PDZRN3: variants seen among roughly 807,000 people sequenced by gnomAD.
PDZRN3 encodes the protein PDZ domain containing ring finger 3.
PDZRN3 carries 38 observed loss-of-function variants against 85.7 expected under a neutral mutation model. That is an observed-to-expected ratio of 0.44 (90% CI 0.34 to 0.58). The LOEUF (loss-of-function observed/expected upper bound fraction) is 0.58. PDZRN3 is among the 20% of genes least tolerant of loss of function. The pLI is 0.01. For missense variants in PDZRN3, 1,629 were observed against 1,506.4 expected, an observed-to-expected ratio of 1.08 and a Z score of -1.35; for synonymous variants, 759 against 638.0, an observed-to-expected ratio of 1.19 and a Z score of -2.86.
At chr3:73,536,971 A>C (rs966792261) in intron 3 of PDZRN3, among the ~76,000 whole-genome samples, 1 of 151,986 alleles carries the variant, frequency 6.6e-6, no homozygotes, top group African/African-American at 2.4e-5. Context: ...CAGACTGAAA[A>C]CTATGTCTGA....
chr3:73,515,610 A>C (rs1311823791), intron 3 of PDZRN3, among the ~76,000 whole-genome samples: 1 of 152,230 alleles, frequency 6.6e-6, no homozygotes. Flanking sequence ...TATTTTTTAA[A>C]GATCGATTTC....
chr3:73,461,832 TC>T (rs1703110117), intron 3 of PDZRN3, among the ~76,000 whole-genome samples: 1 of 152,054 alleles, frequency 6.6e-6, no homozygotes, highest in South Asian at 2.1e-4. Flanking sequence ...AGAGAAAGGG[TC>T]ATGATTCACT....
intron 3 of PDZRN3, among the ~76,000 whole-genome samples, chr3:73,519,855 G>A (rs967498076): frequency 3.4e-4 from 52 of 152,186 alleles, no homozygotes; most frequent in Non-Finnish European, 4.6e-4. Context: ...ATGTGATGTG[G>A]TGGGACAGGA....
chr3:73,434,732 C>T (rs1559677959), intron 3 of PDZRN3, among the ~76,000 whole-genome samples: 2 of 152,152 alleles, frequency 1.3e-5, no homozygotes, highest in Admixed American at 6.5e-5. Context: ...TGTTCCATAC[C>T]TGCCTAGACC....
chr3:73,523,684 G>C (rs1419693321), intron 3 of PDZRN3, among the ~76,000 whole-genome samples: 3 of 152,100 alleles, frequency 2.0e-5, no homozygotes, highest in Admixed American at 6.6e-5. Flanking sequence ...AAGGTCCGAA[G>C]AAAAATATGG....
At chr3:73,461,895 CT>C (rs926442044) in intron 3 of PDZRN3, among the ~76,000 whole-genome samples, 2 of 152,182 alleles carry the variant, frequency 1.3e-5, no homozygotes, top group African/African-American at 4.8e-5. Flanking sequence ...TGGTTGTCAT[CT>C]CCCAGATACT....
chr3:73,606,802 T>C (rs1432076325), intron 2 of PDZRN3, among the ~76,000 whole-genome samples: 1 of 152,238 alleles, frequency 6.6e-6, no homozygotes, highest in African/African-American at 2.4e-5. Flanking sequence ...TTGTTGTTTC[T>C]TATAATAAGC....
chr3:73,624,658 G>A lies in PDZRN3; in HGVS notation c.168C>T (p.Cys56=). The A allele has an allele frequency of 6.5e-7, 1 of 1,529,588 alleles. No individual in the cohort carries two copies. The highest frequency in any genetic ancestry group is 8.7e-7 in the Non-Finnish European group (1 of 1,142,922). 94.8% of individuals were successfully genotyped at this position (1,529,588 alleles called of 1,614,324 possible). The change falls in exon 1 of 10, where the codon TGC becomes TGT. Residue 56 remains cysteine, a synonymous_variant. Coordinates refer to ENST00000263666, the MANE Select transcript of PDZRN3 (RefSeq NM_015009.3). ...GCTCTTTGGCCGACAGGCGACCGCG[G>A]CAGCGCGCCGGGCAGCTGCCCTCCT... ...VVQEGSCPAR[C]RGRLSAKELN...
intron 3 of PDZRN3, among the ~76,000 whole-genome samples, chr3:73,482,292 C>G (rs773721657): frequency 9.2e-5 from 14 of 152,116 alleles, no homozygotes; most frequent in Non-Finnish European, 1.9e-4. Context: ...AGATTGTTTC[C>G]CTGTTTCTAA....
intron 2 of PDZRN3, among the ~76,000 whole-genome samples, chr3:73,604,039 C>A (rs930486633): frequency 6.6e-5 from 10 of 152,184 alleles, no homozygotes; most frequent in African/African-American, 2.2e-4. Context: ...ATTCCATCAA[C>A]GCTCTTCCAA....
intron 3 of PDZRN3, among the ~76,000 whole-genome samples, chr3:73,526,854 CT>C (rs980840919): frequency 3.2e-4 from 47 of 146,732 alleles, no homozygotes; most frequent in Admixed American, 4.8e-4. Context: ...TGCCCAGCTA[CT>C]TTTTTTTTTT....
At chr3:73,419,314 A>G (rs1454182719) in intron 3 of PDZRN3, among the ~76,000 whole-genome samples, 2 of 152,182 alleles carry the variant, frequency 1.3e-5, no homozygotes, top group Non-Finnish European at 2.9e-5. Flanking sequence ...GAGTAAAGTT[A>G]TCAGAGGGTA....
chr3:73,600,791 C>T (rs773203437), intron 3 of PDZRN3, among the ~76,000 whole-genome samples: 18 of 152,160 alleles, frequency 1.2e-4, no homozygotes, highest in Non-Finnish European at 2.5e-4. Flanking sequence ...GAACAATAGT[C>T]TCAGAAAATG....
chr3:73,523,610 A>G (rs7642849), intron 3 of PDZRN3, among the ~76,000 whole-genome samples: 75,263 of 152,032 alleles, frequency 0.5, 18,798 homozygotes, highest in Middle Eastern at 0.56. Flanking sequence ...TACTATGAAA[A>G]AATATTTACT....
intron 3 of PDZRN3, among the ~76,000 whole-genome samples, chr3:73,458,995 CAA>C (rs35284667): frequency 8.1e-6 from 1 of 124,136 alleles, no homozygotes. Context: ...CCATCTCAAA[CAA>C]AAAAAAAAAA....
At chr3:73,416,087 T>G (rs193170560) in intron 3 of PDZRN3, among the ~76,000 whole-genome samples, 136 of 152,158 alleles carry the variant, frequency 8.9e-4, no homozygotes, top group Non-Finnish European at 2.1e-4. Context: ...TGTTTTTCCT[T>G]CTGTTTGTAC....
At chr3:73,530,477 C>T (rs1404178296) in intron 3 of PDZRN3, among the ~76,000 whole-genome samples, 2 of 152,022 alleles carry the variant, frequency 1.3e-5, no homozygotes. Context: ...ATTCTTGGCG[C>T]TTTGAGAATT....
chr3:73,518,739 G>A (rs1375248983), intron 3 of PDZRN3, among the ~76,000 whole-genome samples: 3 of 152,020 alleles, frequency 2.0e-5, no homozygotes, highest in Non-Finnish European at 2.9e-5. Context: ...GTTGCCTTCC[G>A]TCTTCACATG....
chr3:73,383,384 A>G lies in PDZRN3; in HGVS notation c.3182T>C (p.Leu1061Pro), dbSNP rs371050520. 5.0e-6 allele frequency: 8 copies of G among 1,610,876 alleles called. No homozygotes were observed. Among genetic ancestry groups the G allele is most frequent in the Non-Finnish European group, 6.8e-6 (8 of 1,178,380 alleles). The change falls in exon 10 of 10, where the codon CTA becomes CCA. Residue 1061 changes from leucine to proline, a missense_variant. Transcript: ENST00000263666. ...TGAAAATTATACAGTAGTCACCGATAGGAAGGAATTGTATACTCTAGTGCC... is the reference window on the plus strand; with the variant it reads ...TGAAAATTATACAGTAGTCACCGATGGGAAGGAATTGTATACTCTAGTGCC... ...PDGTRVYNSF[L>P]SVTTV is the part of the protein sequence containing the mutation.
Sources: gnomAD v4.1 joint callset for allele counts (sites outside exome capture counted in the v4.1 genomes callset) on GRCh38, gnomAD v4.1.1 for gene constraint, MANE v1.5 for transcripts, NCBI Gene and HGNC (gene_info 2026-07-23, HGNC 2026-07-21) for gene names.